TMEM132C: variants seen among roughly 807,000 people sequenced by gnomAD.
TMEM132C encodes transmembrane protein 132C.
TMEM132C carries 29 observed loss-of-function variants against 61.4 expected under a neutral mutation model. The ratio of observed to expected loss-of-function variants is 0.47; its 90% confidence interval spans 0.35 to 0.64. The LOEUF (loss-of-function observed/expected upper bound fraction) is 0.64. Among genes scored for constraint, TMEM132C ranks in the 30% least tolerant of loss-of-function variants. The pLI is 0.00. For missense variants in TMEM132C, 1,408 were observed against 1,476.9 expected (o/e 0.95, Z 0.76); for synonymous variants, 656 against 633.1 (o/e 1.04, Z -0.54).
intron 3 of TMEM132C, among the ~76,000 whole-genome samples, chr12:128,552,382 G>A (rs1421923055): frequency 6.6e-6 from 1 of 152,164 alleles, no homozygotes; most frequent in Non-Finnish European, 1.5e-5. Flanking sequence ...AAAATGCTCT[G>A]TGTACATTAT....
intron 3 of TMEM132C, among the ~76,000 whole-genome samples, chr12:128,545,544 A>G (rs902573732): frequency 2.0e-5 from 3 of 152,218 alleles, no homozygotes; most frequent in Non-Finnish European, 4.4e-5. Flanking sequence ...ACTACTTTCC[A>G]CTGTGATCGA....
chr12:128,494,716 C>T (rs776291051), intron 2 of TMEM132C, among the ~76,000 whole-genome samples: 98 of 151,866 alleles, frequency 6.5e-4, no homozygotes, highest in Non-Finnish European at 1.1e-3. Flanking sequence ...TTTTTTATTG[C>T]ATCTATTTGA....
intron 2 of TMEM132C, among the ~76,000 whole-genome samples, chr12:128,465,492 C>T (rs1271297932): frequency 6.6e-6 from 1 of 152,228 alleles, no homozygotes; most frequent in Non-Finnish European, 1.5e-5. Context: ...TGAGCCACCA[C>T]ACCCGGCCTC....
intron 1 of TMEM132C, among the ~76,000 whole-genome samples, chr12:128,382,451 C>A (rs1443446609): frequency 6.6e-6 from 1 of 152,130 alleles, no homozygotes; most frequent in African/African-American, 2.4e-5. Context: ...CGAGTGTGAC[C>A]AAAGAACTGA....
chr12:128,457,874 G>T (rs918085347), intron 2 of TMEM132C, among the ~76,000 whole-genome samples: 15 of 152,168 alleles, frequency 9.9e-5, no homozygotes, highest in South Asian at 2.1e-4. Flanking sequence ...GGATCATGCA[G>T]TTAGTAAGGA....
At chr12:128,313,909 CT>C (rs999157985) in intron 1 of TMEM132C, among the ~76,000 whole-genome samples, 5 of 152,298 alleles carry the variant, frequency 3.3e-5, no homozygotes. Context: ...TATTTTTCCC[CT>C]AAGAGAGTCT....
At chr12:128,492,071 A>G (rs969711153) in intron 2 of TMEM132C, among the ~76,000 whole-genome samples, 1 of 152,060 alleles carries the variant, frequency 6.6e-6, no homozygotes. Context: ...TCATGGTTCA[A>G]TTCCCACCTA....
At chr12:128,489,540 C>A (rs986103401) in intron 2 of TMEM132C, among the ~76,000 whole-genome samples, 1 of 128,004 alleles carries the variant, frequency 7.8e-6, no homozygotes, top group Non-Finnish European at 1.7e-5. Context: ...TGATGTCCCT[C>A]CATTATATAT....
intron 3 of TMEM132C, among the ~76,000 whole-genome samples, chr12:128,561,231 GA>G (rs1321055633): frequency 6.6e-6 from 1 of 152,220 alleles, no homozygotes; most frequent in Non-Finnish European, 1.5e-5. Context: ...ATTTTGTTAA[GA>G]TGTCATTCCA....
At chr12:128,310,873 G>C in intron 1 of TMEM132C, among the ~76,000 whole-genome samples, 1 of 152,142 alleles carries the variant, frequency 6.6e-6, no homozygotes, top group East Asian at 1.9e-4. Flanking sequence ...ATGGAGAAGA[G>C]AAGAATTTAA....
At chr12:128,389,413 C>T (rs758234535) in intron 1 of TMEM132C, among the ~76,000 whole-genome samples, 1 of 152,160 alleles carries the variant, frequency 6.6e-6, no homozygotes, top group Non-Finnish European at 1.5e-5. Flanking sequence ...TCCGCTGGGA[C>T]GGTCAGGAAG....
At chr12:128,274,460 T>G (rs1206556535) in intron 1 of TMEM132C, among the ~76,000 whole-genome samples, 1 of 152,222 alleles carries the variant, frequency 6.6e-6, no homozygotes, top group East Asian at 1.9e-4. Context: ...CACCAGTTCC[T>G]GGATGAATTG....
intron 4 of TMEM132C, among the ~76,000 whole-genome samples, chr12:128,635,040 A>G (rs1565997962): frequency 6.6e-6 from 1 of 152,242 alleles, no homozygotes; most frequent in East Asian, 1.9e-4. Flanking sequence ...GTGTGTGCAC[A>G]TATCACCCAC....
intron 4 of TMEM132C, among the ~76,000 whole-genome samples, chr12:128,626,514 G>A (rs868030590): frequency 2.1e-5 from 3 of 142,988 alleles, no homozygotes; most frequent in Admixed American, 6.8e-5. Flanking sequence ...GTGTGATCTC[G>A]GCTCACTGCA....
chr12:128,383,162 GT>G (rs2135992759), intron 1 of TMEM132C, among the ~76,000 whole-genome samples: 2 of 152,260 alleles, frequency 1.3e-5, no homozygotes, highest in South Asian at 4.1e-4. Flanking sequence ...GTGTGCACCT[GT>G]GCATGTGTGT....
chr12:128,341,945 C>T (rs1194476237), intron 1 of TMEM132C, among the ~76,000 whole-genome samples: 1 of 152,064 alleles, frequency 6.6e-6, no homozygotes, highest in Non-Finnish European at 1.5e-5. Flanking sequence ...CTGCTGTCTT[C>T]TCTCTCTTTC....
At chr12:128,306,379 T>C (rs891853621) in intron 1 of TMEM132C, among the ~76,000 whole-genome samples, 5 of 151,830 alleles carry the variant, frequency 3.3e-5, no homozygotes, top group African/African-American at 1.2e-4. Flanking sequence ...TTTTTTGTAT[T>C]TTTTAGTAGA....
intron 1 of TMEM132C, among the ~76,000 whole-genome samples, chr12:128,296,928 A>G (rs1445672450): frequency 6.6e-6 from 1 of 152,212 alleles, no homozygotes; most frequent in African/African-American, 2.4e-5. Context: ...GGGAATTGCT[A>G]GATTTAGACT....
intron 3 of TMEM132C, among the ~76,000 whole-genome samples, chr12:128,547,194 G>A (rs758612904): frequency 1.3e-5 from 2 of 152,142 alleles, no homozygotes; most frequent in Non-Finnish European, 2.9e-5. Flanking sequence ...TTGCTTCAAG[G>A]TGAGGGTTGC....
Sources: gnomAD v4.1 joint callset for allele counts (sites outside exome capture counted in the v4.1 genomes callset) on GRCh38, gnomAD v4.1.1 for gene constraint, MANE v1.5 for transcripts, NCBI Gene and HGNC (gene_info 2026-07-23, HGNC 2026-07-21) for gene names.